ULK4: variants seen among roughly 807,000 people sequenced by gnomAD.
ULK4 encodes unc-51 like kinase 4, also known as inactive serine/threonine-protein kinase ULK4.
Under a neutral mutation model 160.6 loss-of-function variants are expected in ULK4, and 133 were observed. The ratio of observed to expected loss-of-function variants is 0.83; its 90% CI spans 0.72 to 0.96. The LOEUF (loss-of-function observed/expected upper bound fraction) is 0.96, where lower values mean the gene tolerates loss of function less well. ULK4 is among the 40% of genes least tolerant of loss of function. The pLI is 0.00. For synonymous variants in ULK4, 534 were observed against 539.8 expected, an observed-to-expected ratio of 0.99 and a Z score of 0.15; for missense variants, 1,580 against 1,499.5, an observed-to-expected ratio of 1.05 and a Z score of -0.89.
intron 31 of ULK4, among the ~76,000 whole-genome samples, chr3:41,580,730 G>T (rs907886365): frequency 6.6e-6 from 1 of 152,136 alleles, no homozygotes; most frequent in Admixed American, 6.5e-5. Context: ...CTGGGAGCCC[G>T]ACCCAGAAGC....
At chr3:41,570,025 C>G (rs1474929980) in intron 31 of ULK4, among the ~76,000 whole-genome samples, 1 of 152,154 alleles carries the variant, frequency 6.6e-6, no homozygotes, top group Non-Finnish European at 1.5e-5. Context: ...TTCTAATGGC[C>G]TGCGTATCAG....
chr3:41,807,096 C>T (rs895982997), intron 19 of ULK4, among the ~76,000 whole-genome samples: 3 of 151,864 alleles, frequency 2.0e-5, no homozygotes, highest in Admixed American at 1.3e-4. Flanking sequence ...CCACTACACT[C>T]CAGCCTGGGC....
At chr3:41,853,999 C>T (rs1358565188) in intron 17 of ULK4, 4 of 152,170 alleles carry the variant, frequency 2.6e-5, no homozygotes, top group African/African-American at 9.7e-5. Flanking sequence ...GCATAAATTC[C>T]TGTTCCATTC....
intron 21 of ULK4, among the ~76,000 whole-genome samples, chr3:41,781,198 T>A (rs907877476): frequency 2.0e-5 from 3 of 151,960 alleles, no homozygotes; most frequent in African/African-American, 7.2e-5. Flanking sequence ...CTAGAAAAAA[T>A]CATTTATGAG....
chr3:41,552,162 T>C (rs1302111810), intron 32 of ULK4, among the ~76,000 whole-genome samples: 1 of 152,018 alleles, frequency 6.6e-6, no homozygotes, highest in Admixed American at 6.6e-5. Flanking sequence ...TCATGCTGTA[T>C]GGTGGAAAAC....
At chr3:41,287,277 AC>A (rs1344214871) in intron 35 of ULK4, among the ~76,000 whole-genome samples, 1 of 152,174 alleles carries the variant, frequency 6.6e-6, no homozygotes, top group Non-Finnish European at 1.5e-5. Flanking sequence ...GGAGTTAGGG[AC>A]TTTTTTCTTC....
intron 32 of ULK4, among the ~76,000 whole-genome samples, chr3:41,546,883 C>T (rs1316607170): frequency 1.3e-5 from 2 of 151,504 alleles, no homozygotes; most frequent in African/African-American, 2.4e-5. Flanking sequence ...TTTTCCTGCT[C>T]TTCTGGCCTC....
chr3:41,369,574 C>A (rs531074195), intron 35 of ULK4, among the ~76,000 whole-genome samples: 1 of 151,876 alleles, frequency 6.6e-6, no homozygotes, highest in African/African-American at 2.4e-5. Flanking sequence ...GGGTGGATCA[C>A]CTGAGGTCAG....
Position 41,779,985 on chromosome 3 carries a change from T to TTAAA in ULK4, c.2193+9675_2193+9676insTTTA, listed in dbSNP as rs1265057103. Among the ~76,000 whole-genome samples, 308 of 59,348 alleles carry TTAAA rather than the reference T, an allele frequency of 5.2e-3. 6 individuals carry two copies. Among genetic ancestry groups the TTAAA allele is most frequent in the African/African-American group, 0.013 (288 of 21,556 alleles). 38.9% of individuals were successfully genotyped at this position (59,348 alleles called of 152,430 possible). The stretch of plus-strand genomic sequence containing the variant: ...ATGTACCCTAAAACTTAGAGTATAA[T>TTAAA]AAAAAAAAAAAAAAAAAAAAAGGTA... On this transcript the variant is annotated intron_variant, in intron 21 of 36. Transcript: ENST00000301831.
chr3:41,420,188 T>C (rs2082628274), intron 34 of ULK4, among the ~76,000 whole-genome samples: 1 of 152,122 alleles, frequency 6.6e-6, no homozygotes, highest in Admixed American at 6.5e-5. Flanking sequence ...ATTTATTTTG[T>C]AGGATCGTTT....
intron 35 of ULK4, among the ~76,000 whole-genome samples, chr3:41,348,972 A>T (rs1338620314): frequency 6.6e-6 from 1 of 152,150 alleles, no homozygotes; most frequent in African/African-American, 2.4e-5. Flanking sequence ...AAGGAACCAA[A>T]GCATCCTTAT....
chr3:41,805,362 A>G (rs2040608041), intron 19 of ULK4, among the ~76,000 whole-genome samples: 1 of 152,226 alleles, frequency 6.6e-6, no homozygotes, highest in Non-Finnish European at 1.5e-5. Context: ...GAATTTGCTT[A>G]TCAGCTTAAG....
intron 35 of ULK4, among the ~76,000 whole-genome samples, chr3:41,385,515 G>A (rs2081786219): frequency 6.6e-6 from 1 of 152,144 alleles, no homozygotes; most frequent in African/African-American, 2.4e-5. Context: ...CTGGGCAACA[G>A]AGTGAAATTA....
chr3:41,449,424 G>A (rs1575235618), intron 34 of ULK4, among the ~76,000 whole-genome samples: 1 of 152,130 alleles, frequency 6.6e-6, no homozygotes, highest in African/African-American at 2.4e-5. Context: ...GAAGGCAGAT[G>A]GGCGGTGGCT....
At chr3:41,673,792 T>C (rs1219087744) in intron 29 of ULK4, among the ~76,000 whole-genome samples, 6 of 152,118 alleles carry the variant, frequency 3.9e-5, no homozygotes, top group Admixed American at 6.5e-5. Context: ...GCAACATCAC[T>C]TAAGCCTTCT....
chr3:41,588,723 T>C (rs1233289915), intron 31 of ULK4, among the ~76,000 whole-genome samples: 1 of 152,224 alleles, frequency 6.6e-6, no homozygotes, highest in Non-Finnish European at 1.5e-5. Context: ...TATGTTGATA[T>C]ATGAACTTTA....
chr3:41,651,204 C>G (rs1397809649), intron 30 of ULK4, among the ~76,000 whole-genome samples: 1 of 152,132 alleles, frequency 6.6e-6, no homozygotes, highest in Non-Finnish European at 1.5e-5. Context: ...TTGTTATTCT[C>G]TCCTTCTTAA....
At chr3:41,649,709 G>A (rs2034660991) in intron 30 of ULK4, among the ~76,000 whole-genome samples, 1 of 152,208 alleles carries the variant, frequency 6.6e-6, no homozygotes, top group African/African-American at 2.4e-5. Flanking sequence ...CAGGCCTACA[G>A]GTGCCCCACA....
intron 30 of ULK4, among the ~76,000 whole-genome samples, chr3:41,647,644 G>C (rs2034564534): frequency 6.6e-6 from 1 of 152,212 alleles, no homozygotes; most frequent in South Asian, 2.1e-4. Flanking sequence ...GGGGTCAGGG[G>C]TCAGGGACCC....
Sources: allele counts gnomAD v4.1 joint callset (sites outside exome capture counted in the v4.1 genomes callset), GRCh38; gene constraint gnomAD v4.1.1; transcripts MANE v1.5; gene names NCBI Gene and HGNC (gene_info 2026-07-23, HGNC 2026-07-21).